Variants in SLC5A11 observed in about 807,000 individuals in gnomAD.
SLC5A11 encodes sodium/myo-inositol cotransporter 2.
In SLC5A11, 48 loss-of-function variants were observed where a neutral mutation model predicts 69.8. The observed-to-expected ratio is 0.69, with a 90% confidence interval of 0.55 to 0.87. SLC5A11 has a LOEUF of 0.87. Among genes scored for constraint, SLC5A11 ranks in the 40% least tolerant of loss-of-function variants. The pLI, the probability that SLC5A11 is intolerant of heterozygous loss-of-function variation, is 0.00. For synonymous variants in SLC5A11, 319 were observed against 342.4 expected (o/e 0.93, Z 0.75); for missense variants, 784 against 866.1 (o/e 0.91, Z 1.19).
At chr16:24,906,512 G>A in intron 10 of SLC5A11, 145 bp from the exon 12 acceptor site, 1 of 437,914 alleles carries the variant, frequency 2.3e-6, no homozygotes, top group Admixed American at 4.2e-5. Context: ...AAGTAACAAG[G>A]TCACAGCTTA....
intron 8 of SLC5A11, among the ~76,000 whole-genome samples, chr16:24,887,973 G>T (rs557209307): frequency 1.3e-5 from 2 of 152,132 alleles, no homozygotes; most frequent in Admixed American, 6.6e-5. Context: ...GCTGTTATAG[G>T]TTGACAGAAA....
intron 11 of SLC5A11, 91 bp from the exon 13 acceptor site, chr16:24,906,934 C>T: frequency 6.5e-7 from 1 of 1,544,614 alleles, no homozygotes; most frequent in Non-Finnish European, 8.8e-7. Context: ...CGCCGTCCTC[C>T]CTGAGGTTCT....
rs75026420 is a variant in SLC5A11, at chr16:24,872,276, C to A, written c.372+57C>A. The A allele has an allele frequency of 4.1e-3, 6,555 of 1,582,154 alleles. 179 individuals are homozygous for A. The African/African-American group carries it at 0.071, about 17-fold the overall frequency. On this transcript the variant is annotated intron_variant, in intron 5 of 15. Coordinates refer to ENST00000347898, the Ensembl canonical transcript of SLC5A11. ...TTGAAAGATGCTTTGGGAATCTCAG[C>A]CCTGCAGTCCCTCCCTCATCCCGCC... is the stretch of plus-strand genomic sequence containing the variant.
At chr16:24,863,330 A>G (rs2046721016) in intron 3 of SLC5A11, among the ~76,000 whole-genome samples, 1 of 151,984 alleles carries the variant, frequency 6.6e-6, no homozygotes, top group Admixed American at 6.6e-5. Context: ...TCACTGGAAT[A>G]CTGGGACCTC....
intron 7 of SLC5A11, among the ~76,000 whole-genome samples, chr16:24,877,918 A>G (rs1034996936): frequency 2.0e-5 from 3 of 152,174 alleles, no homozygotes; most frequent in African/African-American, 4.8e-5. Context: ...CGGGAGGCGG[A>G]GGTTGCAGTG....
chr16:24,872,071 G>A (rs2047338529), intron 4 of SLC5A11, 89 bp from the exon 6 acceptor site: 9 of 1,482,928 alleles, frequency 6.1e-6, no homozygotes, highest in Non-Finnish European at 1.9e-6. Context: ...TGGAGTTCAG[G>A]CCAGGCTGCC....
Position 24,870,402 on chromosome 16 carries a change from CA to C in SLC5A11, c.312+404del, listed in dbSNP as rs375126626. ...GAGTGAAACTCCGTCCCCCTCCCCA[CA>C]AAAAAACAAAACAAAACAAAACAAA... On this transcript the variant is annotated intron_variant, in intron 4 of 15. Coordinates refer to ENST00000347898, the Ensembl canonical transcript of SLC5A11. Among the ~76,000 whole-genome samples the C allele has an allele frequency of 9.0e-3, 1,318 of 145,914 alleles. 21 individuals carry two copies. Among genetic ancestry groups the C allele is most frequent in the African/African-American group, 0.031 (1,229 of 39,750 alleles).
chr16:24,875,395 T>A (rs1353850861), intron 5 of SLC5A11, among the ~76,000 whole-genome samples: 1 of 83,228 alleles, frequency 1.2e-5, no homozygotes, highest in African/African-American at 4.8e-5. Flanking sequence ...TGTTGCCCAG[T>A]CTGGTCTCAA....
At chr16:24,911,213 TG>T in intron 15 of SLC5A11, 114 bp from the exon 17 acceptor site, 1 of 892,494 alleles carries the variant, frequency 1.1e-6, no homozygotes, top group Non-Finnish European at 1.8e-6. Context: ...GCATAGTGGA[TG>T]GTGGTTCACG....
intron 3 of SLC5A11, among the ~76,000 whole-genome samples, chr16:24,867,588 T>C (rs2046994451): frequency 6.6e-6 from 1 of 152,080 alleles, no homozygotes; most frequent in Admixed American, 6.6e-5. Flanking sequence ...AGTTTGTTCT[T>C]TGAAAACATC....
At chr16:24,863,031 AT>A (rs568005183) in intron 3 of SLC5A11, among the ~76,000 whole-genome samples, 5 of 131,402 alleles carry the variant, frequency 3.8e-5, no homozygotes, top group Non-Finnish European at 6.7e-5. Context: ...ATAATATATA[AT>A]TTATATATTT....
At chr16:24,852,537 G>A (rs925960209) in intron 1 of SLC5A11, among the ~76,000 whole-genome samples, 2 of 152,132 alleles carry the variant, frequency 1.3e-5, no homozygotes, top group Non-Finnish European at 2.9e-5. Flanking sequence ...CACAGGGAGG[G>A]TTCTTCACAA....
chr16:24,907,871 A>G (rs1009935569), intron 12 of SLC5A11, 92 bp from the exon 14 acceptor site: 2 of 1,545,340 alleles, frequency 1.3e-6, no homozygotes, highest in African/African-American at 2.7e-5. Flanking sequence ...TGGCAACAGA[A>G]CAAGACCCTG....
At chr16:24,889,915 A>G (rs2048665202) in intron 8 of SLC5A11, among the ~76,000 whole-genome samples, 2 of 152,150 alleles carry the variant, frequency 1.3e-5, no homozygotes, top group South Asian at 2.1e-4. Flanking sequence ...TGATGGTTCA[A>G]TATATTTGAT....
chr16:24,850,085 A>G (rs986073994), intron 1 of SLC5A11, among the ~76,000 whole-genome samples: 9 of 151,874 alleles, frequency 5.9e-5, no homozygotes, highest in Non-Finnish European at 1.0e-4. Context: ...CCACAGACAC[A>G]CAGCACCATG....
At chr16:24,860,296 A>G (rs1376578579) in intron 2 of SLC5A11, among the ~76,000 whole-genome samples, 1 of 152,058 alleles carries the variant, frequency 6.6e-6, no homozygotes, top group Non-Finnish European at 1.5e-5. Context: ...CAAAAAATAT[A>G]TATAAAAAAA....
chr16:24,852,639 G>T (rs1436855284), intron 1 of SLC5A11, among the ~76,000 whole-genome samples: 1 of 152,158 alleles, frequency 6.6e-6, no homozygotes, highest in Non-Finnish European at 1.5e-5. Context: ...GACAAAGGGT[G>T]CCCGGGGTCA....
chr16:24,867,193 A>C (rs1454808643), intron 3 of SLC5A11, among the ~76,000 whole-genome samples: 1 of 152,214 alleles, frequency 6.6e-6, no homozygotes, highest in Non-Finnish European at 1.5e-5. Flanking sequence ...GTCTATCCAC[A>C]GTGGAATGAA....
At chr16:24,849,368 G>C (rs922653996) in intron 1 of SLC5A11, among the ~76,000 whole-genome samples, 1 of 151,678 alleles carries the variant, frequency 6.6e-6, no homozygotes, top group African/African-American at 2.4e-5. Flanking sequence ...AGGAGTTCAA[G>C]ACAAGCTGGG....
Sources: allele counts gnomAD v4.1 joint callset (sites outside exome capture counted in the v4.1 genomes callset), GRCh38; gene constraint gnomAD v4.1.1; transcripts MANE v1.5; gene names NCBI Gene and HGNC (gene_info 2026-07-23, HGNC 2026-07-21).